EYS: variants seen among roughly 807,000 people sequenced by gnomAD.
EYS encodes the protein protein eyes shut homolog.
A neutral mutation model predicts 282.1 loss-of-function variants in EYS; 250 were observed. The observed-to-expected ratio is 0.89, with a 90% CI of 0.80 to 0.98. The LOEUF is 0.98. Ranked by LOEUF, EYS falls within the 50% of genes least tolerant of loss-of-function variation. EYS has a pLI of 0.00. For synonymous variants in EYS, 1,355 were observed against 1,282.9 expected, an observed-to-expected ratio of 1.06 and a Z score of -1.20; for missense variants, 4,016 against 3,709.0, an observed-to-expected ratio of 1.08 and a Z score of -2.15.
intron 1 of EYS, among the ~76,000 whole-genome samples, chr6:65,642,509 T>A (rs3919983): frequency 0.35 from 52,929 of 150,344 alleles, 11,597 homozygotes; most frequent in Non-Finnish European, 0.48. Context: ...TGGGCTACAA[T>A]TCTTCAAGAA....
chr6:65,278,350 C>A (rs1015950610), intron 12 of EYS, among the ~76,000 whole-genome samples: 11 of 144,548 alleles, frequency 7.6e-5, no homozygotes, highest in Admixed American at 4.2e-4. Flanking sequence ...TCTATATATT[C>A]TATATATAGA....
intron 26 of EYS, among the ~76,000 whole-genome samples, chr6:64,447,074 A>G (rs578087346): frequency 1.1e-3 from 170 of 152,140 alleles, no homozygotes; most frequent in African/African-American, 3.9e-3. Context: ...ACACTTAAAT[A>G]TAATTAATAT....
intron 26 of EYS, among the ~76,000 whole-genome samples, chr6:64,567,360 G>A (rs1328735695): frequency 6.6e-6 from 1 of 152,046 alleles, no homozygotes; most frequent in African/African-American, 2.4e-5. Context: ...AAAAGAATGG[G>A]TTTCTTGCCA....
intron 28 of EYS, among the ~76,000 whole-genome samples, chr6:64,390,355 T>C (rs1292280977): frequency 1.3e-5 from 2 of 152,130 alleles, no homozygotes; most frequent in Non-Finnish European, 2.9e-5. Flanking sequence ...CAGTAACCTC[T>C]GCAGACTTAA....
At chr6:63,892,930 A>G (rs779645069) in intron 35 of EYS, among the ~76,000 whole-genome samples, 3 of 152,244 alleles carry the variant, frequency 2.0e-5, no homozygotes, top group South Asian at 2.1e-4. Flanking sequence ...GGATATGAAG[A>G]GATACTTTTC....
intron 34 of EYS, among the ~76,000 whole-genome samples, chr6:63,998,511 T>C (rs1767936276): frequency 6.6e-6 from 1 of 152,212 alleles, no homozygotes; most frequent in African/African-American, 2.4e-5. Context: ...ATTTTTATCA[T>C]GAATGTATTG....
chr6:65,419,052 G>C (rs1767353240), intron 5 of EYS, among the ~76,000 whole-genome samples: 1 of 151,768 alleles, frequency 6.6e-6, no homozygotes. Flanking sequence ...CTGGGAGAAT[G>C]AGAAAATAAA....
At chr6:65,064,240 GATATATATGATATATATATC>G (rs755239798) in intron 12 of EYS, among the ~76,000 whole-genome samples, 6,468 of 137,168 alleles carry the variant, frequency 0.047, 471 homozygotes, top group African/African-American at 0.16. Flanking sequence ...ATATATATAT[GATATATATGATATATATATC>G]ATATATAGTA....
chr6:64,283,533 A>C (rs758994322), intron 30 of EYS, among the ~76,000 whole-genome samples: 1 of 152,186 alleles, frequency 6.6e-6, no homozygotes, highest in Non-Finnish European at 1.5e-5. Flanking sequence ...TGAATAAATA[A>C]ATGATAAACA....
intron 14 of EYS, among the ~76,000 whole-genome samples, chr6:64,965,180 A>G (rs1328517645): frequency 6.6e-6 from 1 of 152,154 alleles, no homozygotes; most frequent in African/African-American, 2.4e-5. Context: ...TGGATACCAT[A>G]AGTATTTGCT....
At chr6:65,114,162 A>G (rs1775298795) in intron 12 of EYS, among the ~76,000 whole-genome samples, 1 of 152,030 alleles carries the variant, frequency 6.6e-6, no homozygotes, top group Admixed American at 6.6e-5. Flanking sequence ...CACTGGTATC[A>G]AAAAAGTTAC....
At chr6:65,113,358 T>A (rs904766221) in intron 12 of EYS, among the ~76,000 whole-genome samples, 1 of 151,578 alleles carries the variant, frequency 6.6e-6, no homozygotes, top group Non-Finnish European at 1.5e-5. Context: ...GGTCTATACA[T>A]TTCCCTTTCA....
intron 29 of EYS, among the ~76,000 whole-genome samples, chr6:64,307,744 CTA>C (rs1186868677): frequency 6.6e-6 from 1 of 151,976 alleles, no homozygotes; most frequent in Non-Finnish European, 1.5e-5. Flanking sequence ...AAATGGGTAA[CTA>C]TATGTGATAA....
At chr6:65,023,894 G>A (rs1381625260) in intron 13 of EYS, among the ~76,000 whole-genome samples, 2 of 152,156 alleles carry the variant, frequency 1.3e-5, no homozygotes, top group Admixed American at 1.3e-4. Flanking sequence ...CAAATTCTAG[G>A]TTAAACATCA....
intron 15 of EYS, among the ~76,000 whole-genome samples, 197 bp downstream of exon 15, chr6:64,945,596 T>C (rs1769260764): frequency 6.6e-6 from 1 of 152,134 alleles, no homozygotes; most frequent in Non-Finnish European, 1.5e-5. Context: ...AATTTGTTTA[T>C]ACTTTGTTGA....
intron 39 of EYS, 199 bp from the exon 40 acceptor site, chr6:63,778,379 CAACTATT>C (rs1383874164): frequency 3.6e-6 from 2 of 559,784 alleles, no homozygotes; most frequent in Admixed American, 3.1e-5. Flanking sequence ...TCACAGCAGA[CAACTATT>C]AACATTTTGG....
At chr6:65,275,817 T>C (rs1413886790) in intron 12 of EYS, among the ~76,000 whole-genome samples, 1 of 152,170 alleles carries the variant, frequency 6.6e-6, no homozygotes, top group Non-Finnish European at 1.5e-5. Flanking sequence ...ACTTGAAACA[T>C]TGTCATCACA....
At chr6:64,769,669 C>A (rs1160592986) in intron 22 of EYS, among the ~76,000 whole-genome samples, 2 of 151,902 alleles carry the variant, frequency 1.3e-5, no homozygotes, top group Non-Finnish European at 1.5e-5. Flanking sequence ...ATGATTGGAT[C>A]ACCTAAAAAA....
At chr6:64,687,477 T>C (rs933285926) in intron 22 of EYS, among the ~76,000 whole-genome samples, 3 of 152,170 alleles carry the variant, frequency 2.0e-5, no homozygotes, top group African/African-American at 7.2e-5. Context: ...ATTGAGATAA[T>C]CATGTGGTTT....
Sources: gnomAD v4.1 joint callset for allele counts (sites outside exome capture counted in the v4.1 genomes callset) on GRCh38, gnomAD v4.1.1 for gene constraint, MANE v1.5 for transcripts, NCBI Gene and HGNC (gene_info 2026-07-23, HGNC 2026-07-21) for gene names.